POFUT2: variants seen among roughly 807,000 people sequenced by gnomAD.
POFUT2 encodes the protein GDP-fucose protein O-fucosyltransferase 2.
A neutral mutation model predicts 55.0 loss-of-function variants in POFUT2; 30 were observed. The ratio of observed to expected loss-of-function variants is 0.55; its 90% CI spans 0.41 to 0.74. The LOEUF (loss-of-function observed/expected upper bound fraction) is 0.74. POFUT2 is among the 30% of genes least tolerant of loss of function. The pLI, the probability that POFUT2 is intolerant of heterozygous loss-of-function variation, is 0.00. For synonymous variants in POFUT2, 267 were observed against 231.1 expected (o/e 1.16, Z -1.41); for missense variants, 524 against 562.6 (o/e 0.93, Z 0.69).
chr21:45,278,690 C>T (rs75107332), intron 4 of POFUT2, among the ~76,000 whole-genome samples: 2,119 of 152,312 alleles, frequency 0.014, 56 homozygotes, highest in African/African-American at 0.048. Context: ...AACCCTTGTC[C>T]GGTGGCAAAC....
Position 45,265,946 on chromosome 21 carries a change from C to T in POFUT2, c.1137-311G>A. ...GGAGCCCTCCTCTCCGTCACCAAAT[C>T]CCAGGCCAGGCACGCCAGTGCAGGT... On this transcript the variant is annotated intron_variant, in intron 8 of 8. Coordinates refer to ENST00000349485, the MANE Select transcript of POFUT2 (RefSeq NM_133635.6). This position sits in a 1 kb window ranked among gnomAD's most constrained non-coding sequence, Gnocchi z 4.6. 2 of 1,261,456 alleles carry T rather than the reference C, an allele frequency of 1.6e-6. No homozygotes were observed. Among genetic ancestry groups the T allele is most frequent in the Non-Finnish European group, 1.0e-6 (1 of 988,214 alleles). 78.1% of individuals were successfully genotyped at this position (1,261,456 alleles called of 1,614,324 possible).
intron 6 of POFUT2, among the ~76,000 whole-genome samples, chr21:45,274,764 GA>G (rs1346011627): frequency 6.6e-6 from 1 of 152,126 alleles, no homozygotes; most frequent in African/African-American, 2.4e-5. Flanking sequence ...ACATGTAGAA[GA>G]ATGAAACTGG....
chr21:45,272,356 C>T (rs2093226232), intron 6 of POFUT2, among the ~76,000 whole-genome samples: 1 of 152,110 alleles, frequency 6.6e-6, no homozygotes, highest in South Asian at 2.1e-4. Context: ...GGGAGAATGC[C>T]ACAATCCTAA....
At position 45,270,055 on chromosome 21, in the gene POFUT2, A is replaced by G; in HGVS notation, c.832-36T>C. ...ACCACAAGGAAATGCAGAAGCTGAC[A>G]GGCGGGCTCGGGGCTCATCCTGGGC... On this transcript the variant is annotated intron_variant, in intron 6 of 8. Transcript: ENST00000349485. This position sits in a 1 kb window ranked among gnomAD's most constrained non-coding sequence, Gnocchi z 4.6. The G allele has an allele frequency of 2.7e-6, 4 of 1,488,060 alleles. No homozygotes were observed. The highest frequency in any genetic ancestry group is 3.6e-6 in the Non-Finnish European group (4 of 1,124,410). The allele number at this position is 1,488,060 out of a possible 1,614,324, so 92.2% of individuals were successfully genotyped here.
rs1477622823 is a variant in POFUT2, at chr21:45,284,900, C to T, written c.382+778G>A. Among the ~76,000 whole-genome samples the T allele has an allele frequency of 6.6e-6, 1 of 152,202 alleles. No individual in the cohort carries two copies. The highest frequency in any genetic ancestry group is 2.4e-5 in the African/African-American group (1 of 41,442). On this transcript the variant is annotated intron_variant, in intron 2 of 8. Transcript: ENST00000349485. The surrounding 1 kb of genome is among the most constrained non-coding windows in gnomAD (Gnocchi z 5.8). ...ACCGCCTGTTGTTGCATGCCCCTAGCACTCACAAGACTGACCTTGACACAG... is the reference window on the plus strand; with the variant it reads ...ACCGCCTGTTGTTGCATGCCCCTAGTACTCACAAGACTGACCTTGACACAG...
rs545659490 is a variant in POFUT2 at position 45,282,260 on chromosome 21, G to C, written c.638+89C>G. On this transcript the variant is annotated intron_variant, in intron 4 of 8. Coordinates refer to ENST00000349485, the MANE Select transcript of POFUT2 (RefSeq NM_133635.6). The surrounding 1 kb of genome is among the most constrained non-coding windows in gnomAD (Gnocchi z 4.6). ...TGTGAGGTGGGTGGGCCAGGGATGC[G>C]GGAGTATGGGCGGAGAGCCCCCAGC... 2.6e-5 allele frequency: 22 copies of C among 858,402 alleles called. No homozygotes were observed. Among genetic ancestry groups the C allele is most frequent in the Non-Finnish European group, 3.8e-5 (20 of 521,718 alleles). The allele number at this position is 858,402 out of a possible 1,614,324, so 53.2% of individuals were successfully genotyped here. A position where few individuals can be genotyped will look rare whatever the true frequency, so the allele number is the denominator to read the frequency against.
intron 4 of POFUT2, among the ~76,000 whole-genome samples, chr21:45,278,985 T>C (rs2030184703): frequency 6.6e-6 from 1 of 152,174 alleles, no homozygotes; most frequent in African/African-American, 2.4e-5. Context: ...CCCAGGGCTC[T>C]TGATGCAAAA....
At chr21:45,272,495 C>T (rs1569221093) in intron 6 of POFUT2, among the ~76,000 whole-genome samples, 1 of 152,154 alleles carries the variant, frequency 6.6e-6, no homozygotes, top group Admixed American at 6.5e-5. Flanking sequence ...CTGGACAGGT[C>T]ATCAAGACAG....
Position 45,283,475 on chromosome 21 carries a change from C to T in POFUT2, c.435G>A (p.Glu145=), listed in dbSNP as rs866279319. Residue 145 remains glutamate (E), a synonymous_variant, in exon 3 of 9, where the codon GAG becomes GAA. Transcript: ENST00000349485. ...CTTCCCAGGTCCCTTCTTTCCACCC[C>T]TCTGCGTAACTTTGCAGGACGTAAA... The part of the protein sequence containing the change: ...DQVYVLQSYA[E]GWKEGTWEEK... 2 of 1,613,826 alleles carry T rather than the reference C, an allele frequency of 1.2e-6. No homozygotes were observed. The highest frequency in any genetic ancestry group is 1.6e-4 in the Middle Eastern group (1 of 6,084).
At chr21:45,279,394 C>CA (rs1205012225) in intron 4 of POFUT2, among the ~76,000 whole-genome samples, 5 of 150,712 alleles carry the variant, frequency 3.3e-5, no homozygotes, top group South Asian at 2.1e-4. Flanking sequence ...GACTCAGTCT[C>CA]AAAAAAAATA....
chr21:45,285,991 C>A lies in POFUT2; in HGVS notation c.132-63G>T. 6.7e-7 allele frequency: 1 copy of A among 1,493,824 alleles called. No individual in the cohort carries two copies. Among genetic ancestry groups the A allele is most frequent in the South Asian group, 1.2e-5 (1 of 80,342 alleles). The allele number at this position is 1,493,824 out of a possible 1,614,324, so 92.5% of individuals were successfully genotyped here. The stretch of plus-strand genomic sequence containing the variant: ...TGAGGTTTCTGCACGGAAAACCCGA[C>A]TGCTCACAAGTCTCAGCGCGTGGCC... On this transcript the variant is annotated intron_variant, in intron 1 of 8. Transcript: ENST00000349485. The surrounding 1 kb of genome is among the most constrained non-coding windows in gnomAD (Gnocchi z 4.9).
chr21:45,280,758 C>T (rs752381351), intron 4 of POFUT2, among the ~76,000 whole-genome samples: 6 of 150,766 alleles, frequency 4.0e-5, no homozygotes, highest in Non-Finnish European at 5.9e-5. Flanking sequence ...GTCCCTCACT[C>T]GCTGGGTTTC....
Position 45,270,892 on chromosome 21 carries a change from C to G in POFUT2, c.832-873G>C, listed in dbSNP as rs1435840844. ...ACCCCGTGGGATAAAAGAATCTGAACAGTAGCCCGTGAGTTCCAGATCTTT... is the reference window on the plus strand; with the variant it reads ...ACCCCGTGGGATAAAAGAATCTGAAGAGTAGCCCGTGAGTTCCAGATCTTT... On this transcript the variant is annotated intron_variant, in intron 6 of 8. Coordinates refer to ENST00000349485, the MANE Select transcript of POFUT2 (RefSeq NM_133635.6). This position sits in a 1 kb window ranked among gnomAD's most constrained non-coding sequence, Gnocchi z 4.6. 6.6e-6 allele frequency among the ~76,000 whole-genome samples: 1 copy of G among 152,228 alleles called. No homozygotes were observed. The highest frequency in any genetic ancestry group is 1.5e-5 in the Non-Finnish European group (1 of 68,044).
Position 45,265,572 on chromosome 21 carries a change from C to T in POFUT2, c.1200G>A (p.Leu400=), listed in dbSNP as rs749090325. ...SFRIHEEREI[L]GLDPKTTYNR... is the part of the protein sequence containing the mutation. The stretch of plus-strand genomic sequence containing the variant: ...TGTACGTCGTCTTGGGGTCCAACCC[C>T]AGGATTTCTCTTTCCTCATGAATCC... The change falls in exon 9 of 9, where the codon CTG becomes CTA. Residue 400 remains leucine, a synonymous_variant. Coordinates refer to ENST00000349485, the MANE Select transcript of POFUT2 (RefSeq NM_133635.6). This position sits in a 1 kb window ranked among gnomAD's most constrained non-coding sequence, Gnocchi z 4.6. The T allele has an allele frequency of 6.2e-7, 1 of 1,614,104 alleles. No homozygotes were observed. Among genetic ancestry groups the T allele is most frequent in the African/African-American group, 1.3e-5 (1 of 75,012 alleles).
Position 45,277,302 on chromosome 21 carries a change from G to T in POFUT2, c.706-160C>A. The T allele has an allele frequency of 1.1e-6, 1 of 895,762 alleles. No individual in the cohort carries two copies. Among genetic ancestry groups the T allele is most frequent in the Non-Finnish European group, 1.6e-6 (1 of 610,538 alleles). The allele number at this position is 895,762 out of a possible 1,614,324, so 55.5% of individuals were successfully genotyped here. ...CCTGAGAAGCAGCGCCATCCACGGT[G>T]GAGGCTCTTGGAGGGTCTCCTGCAT... On this transcript the variant is annotated intron_variant, in intron 5 of 8. Coordinates refer to ENST00000349485, the MANE Select transcript of POFUT2 (RefSeq NM_133635.6). The surrounding 1 kb of genome is among the most constrained non-coding windows in gnomAD (Gnocchi z 6.9).
rs1474573427 is a variant in POFUT2, at chr21:45,283,230, C to G, written c.527+153G>C. The G allele has an allele frequency of 7.5e-6, 3 of 398,520 alleles. No individual in the cohort carries two copies. The Admixed American group carries it at 1.3e-4, about 18-fold the overall frequency. 24.7% of individuals were successfully genotyped at this position (398,520 alleles called of 1,614,324 possible). A position where few individuals can be genotyped will look rare whatever the true frequency, so the allele number is the denominator to read the frequency against. ...GGAGTGGGGGGTGAAGACACCGTGGCGGGGGGAGGCGGGGTGCTGCAGGGG... is the reference window on the plus strand; with the variant it reads ...GGAGTGGGGGGTGAAGACACCGTGGGGGGGGGAGGCGGGGTGCTGCAGGGG... On this transcript the variant is annotated intron_variant, in intron 3 of 8. Coordinates refer to ENST00000349485, the MANE Select transcript of POFUT2 (RefSeq NM_133635.6).
rs1444890900 is a variant in POFUT2, at chr21:45,283,335, G to A, written c.527+48C>T. ...GGGGGGGGGGGACGCATGCGGCAGG[G>A]GGAGGTGGGGGGGCACCTGCGGCAG... is the stretch of plus-strand genomic sequence containing the variant. On this transcript the variant is annotated intron_variant, in intron 3 of 8. Coordinates refer to ENST00000349485, the MANE Select transcript of POFUT2 (RefSeq NM_133635.6). The A allele has an allele frequency of 2.3e-6, 3 of 1,299,838 alleles. No individual in the cohort carries two copies. In the East Asian group the frequency reaches 8.6e-5, roughly 37 times the overall value. The allele number at this position is 1,299,838 out of a possible 1,614,324, so 80.5% of individuals were successfully genotyped here.
Position 45,285,313 on chromosome 21 carries a change from C to T in POFUT2, c.382+365G>A. ...CTGAGACACCACGAAGCATACTCCACACGCAGTGCGTCTTCCTGAACGTAA... is the reference window on the plus strand; with the variant it reads ...CTGAGACACCACGAAGCATACTCCATACGCAGTGCGTCTTCCTGAACGTAA... On this transcript the variant is annotated intron_variant, in intron 2 of 8. Transcript: ENST00000349485. This position sits in a 1 kb window ranked among gnomAD's most constrained non-coding sequence, Gnocchi z 4.9. 1 of 343,358 alleles carries T rather than the reference C, an allele frequency of 2.9e-6. No homozygotes were observed. Among genetic ancestry groups the T allele is most frequent in the East Asian group, 7.3e-5 (1 of 13,672 alleles). 21.3% of individuals were successfully genotyped at this position (343,358 alleles called of 1,614,324 possible). A position where few individuals can be genotyped will look rare whatever the true frequency, so the allele number is the denominator to read the frequency against.
chr21:45,278,743 G>A (rs955112130), intron 4 of POFUT2, among the ~76,000 whole-genome samples: 1 of 152,232 alleles, frequency 6.6e-6, no homozygotes, highest in Admixed American at 6.5e-5. Flanking sequence ...CAGCGGCTGT[G>A]AAAGGTGAGG....
Sources: gnomAD v4.1 joint callset for allele counts (sites outside exome capture counted in the v4.1 genomes callset) on GRCh38, gnomAD v4.1.1 for gene constraint, Gnocchi (gnomAD v3.1) non-coding constraint, MANE v1.5 for transcripts, NCBI Gene and HGNC (gene_info 2026-07-23, HGNC 2026-07-21) for gene names.